Variants in MAP2K5 observed in about 807,000 individuals in gnomAD.
MAP2K5 encodes mitogen-activated protein kinase kinase 5.
A neutral mutation model predicts 83.1 loss-of-function variants in MAP2K5; 49 were observed. That is an observed-to-expected ratio of 0.59 (90% CI 0.47 to 0.75). The LOEUF (loss-of-function observed/expected upper bound fraction) is 0.75, where lower values mean the gene tolerates loss of function less well. MAP2K5 is among the 30% of genes least tolerant of loss of function. The pLI is 0.00. For synonymous variants in MAP2K5, 202 were observed against 191.8 expected, an observed-to-expected ratio of 1.05 and a Z score of -0.44; for missense variants, 457 against 557.5, an observed-to-expected ratio of 0.82 and a Z score of 1.82.
At position 67,771,788 on chromosome 15, in the gene MAP2K5, G is replaced by A. The variant is rs942505685; in HGVS notation, c.1197-919G>A. Among the ~76,000 whole-genome samples, 52 of 152,182 alleles carry A rather than the reference G, an allele frequency of 3.4e-4. 1 individual carries two copies. Among genetic ancestry groups the A allele is most frequent in the Admixed American group, 6.5e-5 (1 of 15,288 alleles). ...AAAAAGTATTGTCAGCAAATGCAGA[G>A]ATTATAAGAAGAGTTTTCTTCTTGC... On this transcript the variant is annotated intron_variant, in intron 20 of 21. Transcript: ENST00000178640.
chr15:67,572,091 G>T lies in MAP2K5; in HGVS notation c.253-8663G>T, dbSNP rs1322385478. ...AAGAAGTGTCTAATCTAGCTTTGGGGACCAAAAAGGCTTCCTGAAGAGGGC... is the reference window on the plus strand; with the variant it reads ...AAGAAGTGTCTAATCTAGCTTTGGGTACCAAAAAGGCTTCCTGAAGAGGGC... On this transcript the variant is annotated intron_variant, in intron 3 of 21. Coordinates refer to ENST00000178640, the MANE Select transcript of MAP2K5 (RefSeq NM_145160.3). The surrounding 1 kb of genome is among the most constrained non-coding windows in gnomAD (Gnocchi z 4.2). Among the ~76,000 whole-genome samples, 2 of 152,180 alleles carry T rather than the reference G, an allele frequency of 1.3e-5. No homozygotes were observed. Among genetic ancestry groups the T allele is most frequent in the African/African-American group, 4.8e-5 (2 of 41,442 alleles).
Position 67,600,737 on chromosome 15 carries a change from G to A in MAP2K5, c.533G>A (p.Gly178Asp), listed in dbSNP as rs1487676641. Residue 178 changes from glycine (G) to aspartate (D), a missense_variant, in exon 8 of 22, where the codon GGC becomes GAC. Gly to Asp is a moderately conservative substitution (Grantham distance 94). This residue lies in a region of MAP2K5 where 234 missense variants were observed against 243.6 expected (regional missense o/e 0.96). Coordinates refer to ENST00000178640, the MANE Select transcript of MAP2K5 (RefSeq NM_145160.3). ...GACACTCTTGGTCATGGCAACGGAGGCACAGTCTACAAGTGAGTAGTCAAT... is the reference window on the plus strand; with the variant it reads ...GACACTCTTGGTCATGGCAACGGAGACACAGTCTACAAGTGAGTAGTCAAT... ...YRDTLGHGNGGTVYKAYHVPS... is the reference protein window; with the variant it reads ...YRDTLGHGNGDTVYKAYHVPS... The A allele has an allele frequency of 6.2e-7, 1 of 1,608,060 alleles. No homozygotes were observed. The highest frequency in any genetic ancestry group is 8.5e-7 in the Non-Finnish European group (1 of 1,178,002).
Position 67,774,994 on chromosome 15 carries a change from G to A in MAP2K5, c.1242+2242G>A, listed in dbSNP as rs968475923. Among the ~76,000 whole-genome samples, 5 of 152,210 alleles carry A rather than the reference G, an allele frequency of 3.3e-5. No homozygotes were observed. Among genetic ancestry groups the A allele is most frequent in the African/African-American group, 9.7e-5 (4 of 41,442 alleles). ...GGGAACTCTTATATGAACTCCAGGT[G>A]TGACCTTGACCAGCGAACACAGCAA... On this transcript the variant is annotated intron_variant, in intron 21 of 21. Coordinates refer to ENST00000178640, the MANE Select transcript of MAP2K5 (RefSeq NM_145160.3). The surrounding 1 kb of genome is among the most constrained non-coding windows in gnomAD (Gnocchi z 4.9).
intron 16 of MAP2K5, among the ~76,000 whole-genome samples, chr15:67,709,094 A>G (rs906820567): frequency 6.6e-6 from 1 of 152,118 alleles, no homozygotes; most frequent in Admixed American, 6.5e-5. Context: ...CTGTTTCTCC[A>G]TTGTTTGTTT....
chr15:67,612,018 T>C (rs1445787706), intron 8 of MAP2K5, among the ~76,000 whole-genome samples: 1 of 151,996 alleles, frequency 6.6e-6, no homozygotes, highest in Non-Finnish European at 1.5e-5. Context: ...TGTGCTGATC[T>C]CTGAACCTCA....
At chr15:67,788,261 A>T (rs1303220586) in intron 21 of MAP2K5, among the ~76,000 whole-genome samples, 2 of 152,056 alleles carry the variant, frequency 1.3e-5, no homozygotes, top group East Asian at 3.9e-4. Flanking sequence ...TTTTTTTTAT[A>T]TGGAGATAAG....
At chr15:67,629,081 T>C in intron 8 of MAP2K5, 2 of 737,432 alleles carry the variant, frequency 2.7e-6, no homozygotes, top group South Asian at 1.3e-5. Flanking sequence ...GAAACCAAGG[T>C]GGCCATGGCG....
chr15:67,601,947 T>C (rs2085667392), intron 8 of MAP2K5, among the ~76,000 whole-genome samples: 1 of 152,250 alleles, frequency 6.6e-6, no homozygotes, highest in Non-Finnish European at 1.5e-5. Flanking sequence ...GATTGTTTTT[T>C]CCTGCAGATG....
chr15:67,560,766 C>T (rs958559567), intron 2 of MAP2K5, among the ~76,000 whole-genome samples: 8 of 152,214 alleles, frequency 5.3e-5, no homozygotes, highest in African/African-American at 1.9e-4. Flanking sequence ...AATAATCCCT[C>T]AAGAGATTTC....
intron 1 of MAP2K5, chr15:67,546,703 G>A: frequency 2.9e-6 from 2 of 694,308 alleles, no homozygotes; most frequent in Non-Finnish European, 3.5e-6. Flanking sequence ...TGATGAGAGA[G>A]AATGCCCAAC....
intron 3 of MAP2K5, among the ~76,000 whole-genome samples, chr15:67,569,452 C>G (rs1349862707): frequency 6.6e-6 from 1 of 152,182 alleles, no homozygotes; most frequent in African/African-American, 2.4e-5. Flanking sequence ...TAATGACATG[C>G]TGCAAGCTGT....
intron 3 of MAP2K5, among the ~76,000 whole-genome samples, chr15:67,564,731 T>G (rs996780690): frequency 3.3e-5 from 5 of 152,232 alleles, no homozygotes; most frequent in African/African-American, 1.2e-4. Flanking sequence ...ATTGATAGAT[T>G]GGCTAACTCT....
chr15:67,732,635 A>C (rs768664407), intron 17 of MAP2K5, among the ~76,000 whole-genome samples: 51 of 152,142 alleles, frequency 3.4e-4, no homozygotes, highest in Admixed American at 4.6e-4. Flanking sequence ...TTAATTTATT[A>C]CTTCTCTTTC....
intron 11 of MAP2K5, among the ~76,000 whole-genome samples, chr15:67,656,587 C>G (rs544454814): frequency 2.7e-4 from 41 of 152,192 alleles, no homozygotes; most frequent in Non-Finnish European, 5.4e-4. Context: ...CCTTGGCCTC[C>G]CAAAGTGCTG....
At chr15:67,734,390 A>G (rs1343307318) in intron 17 of MAP2K5, among the ~76,000 whole-genome samples, 1 of 152,174 alleles carries the variant, frequency 6.6e-6, no homozygotes, top group Non-Finnish European at 1.5e-5. Flanking sequence ...CAATTGACAG[A>G]CTGTCTTTTA....
At chr15:67,582,144 C>T (rs2085192724) in intron 4 of MAP2K5, among the ~76,000 whole-genome samples, 1 of 151,198 alleles carries the variant, frequency 6.6e-6, no homozygotes, top group Non-Finnish European at 1.5e-5. Flanking sequence ...TCACCGCAAC[C>T]TCTGACTCCC....
intron 8 of MAP2K5, among the ~76,000 whole-genome samples, chr15:67,614,280 A>G (rs996514721): frequency 6.6e-6 from 1 of 152,224 alleles, no homozygotes; most frequent in African/African-American, 2.4e-5. Flanking sequence ...TAGCTTTACT[A>G]TATGTAAAAT....
chr15:67,552,114 C>T lies in MAP2K5; in HGVS notation c.184+2032C>T, dbSNP rs180767178. ...GGTGGATGAATGATCACACTTTTTA[C>T]TTTGTATGTTTCTCTATTGTTTGAA... On this transcript the variant is annotated intron_variant, in intron 2 of 21. Coordinates refer to ENST00000178640, the MANE Select transcript of MAP2K5 (RefSeq NM_145160.3). This position sits in a 1 kb window ranked among gnomAD's most constrained non-coding sequence, Gnocchi z 4.2. 1.7e-3 allele frequency among the ~76,000 whole-genome samples: 263 copies of T among 152,134 alleles called. 2 individuals carry two copies. The highest frequency in any genetic ancestry group is 6.0e-3 in the African/African-American group (251 of 41,512).
At position 67,664,600 on chromosome 15, in the gene MAP2K5, GT is replaced by G; in HGVS notation, c.804del (p.Gly270AlafsTer8). 1 of 1,569,718 alleles carries G rather than the reference GT, an allele frequency of 6.4e-7. No homozygotes were observed. The highest frequency in any genetic ancestry group is 1.4e-5 in the African/African-American group (1 of 73,956). ...HVLGRIAVAVVKGLTYLWSLK... is the reference protein window; with the variant it reads ...HVLGRIAVAVXKGLTYLWSLK... The stretch of plus-strand genomic sequence containing the variant: ...GTTTTCTTTTTCCTAAATTTAGGTT[GT>G]TAAAGGCCTTACTTATTTGTGGAGT... On this transcript the variant is annotated frameshift_variant, in exon 13 of 22. Coordinates refer to ENST00000178640, the MANE Select transcript of MAP2K5 (RefSeq NM_145160.3). LOFTEE classifies it high-confidence loss of function.
Sources: allele counts gnomAD v4.1 joint callset (sites outside exome capture counted in the v4.1 genomes callset), GRCh38; gene constraint gnomAD v4.1.1; regional missense constraint gnomAD v4.1.1; non-coding constraint Gnocchi (gnomAD v3.1); transcripts MANE v1.5; gene names NCBI Gene and HGNC (gene_info 2026-07-23, HGNC 2026-07-21).